Variants in PDE4D observed in about 807,000 individuals in gnomAD.
PDE4D encodes the protein 3',5'-cyclic-AMP phosphodiesterase 4D.
In PDE4D, 24 loss-of-function variants were observed where a neutral mutation model predicts 87.4. The observed-to-expected ratio is 0.27, with a 90% CI of 0.20 to 0.39. The LOEUF is 0.39. PDE4D is among the 10% of genes least tolerant of loss of function. The probability of loss-of-function intolerance (pLI) is 1.00; values close to 1 mark genes in which losing one functional copy is unlikely to be tolerated. For synonymous variants in PDE4D, 384 were observed against 383.2 expected, an observed-to-expected ratio of 1.00 and a Z score of -0.02; for missense variants, 714 against 1,041.0, an observed-to-expected ratio of 0.69 and a Z score of 4.32.
chr5:59,223,066 A>G (rs1242983824), intron 1 of PDE4D, among the ~76,000 whole-genome samples: 1 of 152,162 alleles, frequency 6.6e-6, no homozygotes. Context: ...TGAGGGCCAA[A>G]TCACCTGAAT....
intron 6 of PDE4D, among the ~76,000 whole-genome samples, chr5:58,997,723 T>C (rs1403592618): frequency 6.6e-6 from 1 of 150,840 alleles, no homozygotes; most frequent in African/African-American, 2.4e-5. Flanking sequence ...TTTGTTCTCA[T>C]TATACATCAG....
intron 1 of PDE4D, among the ~76,000 whole-genome samples, chr5:59,498,002 G>A (rs1387399596): frequency 5.9e-5 from 9 of 151,990 alleles, no homozygotes; most frequent in Admixed American, 3.9e-4. Context: ...CAAGCCAGAA[G>A]AGATTGGGGG....
chr5:59,066,833 T>G (rs1156841930), intron 5 of PDE4D, among the ~76,000 whole-genome samples: 1 of 151,902 alleles, frequency 6.6e-6, no homozygotes, highest in Non-Finnish European at 1.5e-5. Flanking sequence ...GCCTTGCCCC[T>G]TCCACCATGT....
intron 6 of PDE4D, among the ~76,000 whole-genome samples, chr5:59,033,481 G>A (rs548643064): frequency 4.6e-5 from 7 of 152,276 alleles, no homozygotes; most frequent in Non-Finnish European, 2.9e-5. Context: ...AAAAGAGTTG[G>A]TCCCTCCTGC....
intron 1 of PDE4D, among the ~76,000 whole-genome samples, chr5:59,445,347 C>T (rs1027966581): frequency 3.3e-5 from 5 of 152,142 alleles, no homozygotes; most frequent in African/African-American, 1.2e-4. Context: ...GGCAAATACT[C>T]CCCCAATGGT....
intron 1 of PDE4D, among the ~76,000 whole-genome samples, chr5:59,357,203 A>G (rs1781521158): frequency 6.6e-6 from 1 of 152,200 alleles, no homozygotes. Context: ...ACACACACGC[A>G]TGCACACACA....
At chr5:59,220,615 T>C (rs1752342953) in intron 1 of PDE4D, among the ~76,000 whole-genome samples, 1 of 152,086 alleles carries the variant, frequency 6.6e-6, no homozygotes, top group South Asian at 2.1e-4. Flanking sequence ...TACTTAACTT[T>C]CTGAAAGTTA....
intron 1 of PDE4D, among the ~76,000 whole-genome samples, chr5:60,436,474 G>A (rs544608350): frequency 6.6e-6 from 1 of 152,094 alleles, no homozygotes; most frequent in African/African-American, 2.4e-5. Flanking sequence ...CAATACAAGA[G>A]CACTGTATTT....
chr5:60,280,282 C>T (rs1423133577), intron 1 of PDE4D, among the ~76,000 whole-genome samples: 1 of 150,488 alleles, frequency 6.6e-6, no homozygotes, highest in Non-Finnish European at 1.5e-5. Flanking sequence ...TGCCTTCTCT[C>T]CATATTTCAG....
chr5:60,342,546 A>G (rs987487856), intron 1 of PDE4D, among the ~76,000 whole-genome samples: 1 of 152,178 alleles, frequency 6.6e-6, no homozygotes, highest in Non-Finnish European at 1.5e-5. Flanking sequence ...AAAGCTCAAA[A>G]ACTCTTAGCC....
At chr5:59,552,459 C>A (rs545522946) in intron 1 of PDE4D, among the ~76,000 whole-genome samples, 235 of 151,514 alleles carry the variant, frequency 1.6e-3, no homozygotes, top group Admixed American at 2.8e-3. Flanking sequence ...AATAACTTGA[C>A]AATAACTATA....
chr5:59,152,222 GCA>G (rs1322431535), intron 5 of PDE4D, among the ~76,000 whole-genome samples: 8 of 152,230 alleles, frequency 5.3e-5, no homozygotes, highest in Admixed American at 6.5e-5. Flanking sequence ...CCCAGTCTTA[GCA>G]CAGTGTTTGG....
chr5:59,046,580 G>A (rs144002169), intron 5 of PDE4D, among the ~76,000 whole-genome samples: 1 of 152,040 alleles, frequency 6.6e-6, no homozygotes, highest in Non-Finnish European at 1.5e-5. Flanking sequence ...TAAGAGAAAG[G>A]AGTCAGCTTG....
chr5:59,574,072 TTATATATATATTTATATATATAAA>T (rs1822471219), intron 1 of PDE4D, among the ~76,000 whole-genome samples: 1 of 12,332 alleles, frequency 8.1e-5, no homozygotes, highest in African/African-American at 2.4e-4. Flanking sequence ...ATATATATAT[TTATATATATATTTATATATATAAA>T]TATATATTTA....
intron 1 of PDE4D, among the ~76,000 whole-genome samples, chr5:59,307,336 C>T (rs1771592660): frequency 6.8e-6 from 1 of 146,030 alleles, no homozygotes; most frequent in Non-Finnish European, 1.5e-5. Flanking sequence ...AAAGCAATGG[C>T]AACAAAAGCC....
intron 1 of PDE4D, among the ~76,000 whole-genome samples, chr5:59,840,998 C>T (rs750286725): frequency 5.3e-5 from 8 of 151,932 alleles, no homozygotes; most frequent in Admixed American, 1.3e-4. Flanking sequence ...GTGTAGCAAA[C>T]ACTGTTGGCT....
At chr5:60,065,142 G>A (rs969556272) in intron 2 of PDE4D, among the ~76,000 whole-genome samples, 2 of 152,006 alleles carry the variant, frequency 1.3e-5, no homozygotes, top group Non-Finnish European at 2.9e-5. Flanking sequence ...CAGATTTTGA[G>A]TATAAGCCTT....
intron 3 of PDE4D, among the ~76,000 whole-genome samples, chr5:59,920,866 G>T (rs1754586575): frequency 6.8e-6 from 1 of 147,766 alleles, no homozygotes; most frequent in African/African-American, 2.5e-5. Flanking sequence ...GTCATGTGGT[G>T]GGGGGAGGGG....
At chr5:59,979,421 G>GGTTGTGTGTGTGTGT (rs1554127172) in intron 3 of PDE4D, among the ~76,000 whole-genome samples, 3 of 147,630 alleles carry the variant, frequency 2.0e-5, no homozygotes, top group Non-Finnish European at 4.5e-5. Flanking sequence ...CACAGCAAGG[G>GGTTGTGTGTGTGTGT]GTGTGTGTGT....
Sources: gnomAD v4.1 joint callset for allele counts (sites outside exome capture counted in the v4.1 genomes callset) on GRCh38, gnomAD v4.1.1 for gene constraint, MANE v1.5 for transcripts, NCBI Gene and HGNC (gene_info 2026-07-23, HGNC 2026-07-21) for gene names.